The following ASCC3 variants were observed in gnomAD, a reference collection of about 807,000 sequenced individuals.
The protein encoded by ASCC3 is activating signal cointegrator 1 complex subunit 3, also known as ASC-1 complex subunit P200.
A neutral mutation model predicts 256.3 loss-of-function variants in ASCC3; 158 were observed. The ratio of observed to expected loss-of-function variants is 0.62; its 90% CI spans 0.54 to 0.70. The LOEUF is 0.70. Ranked by LOEUF, ASCC3 falls within the 30% of genes least tolerant of loss-of-function variation. The probability of loss-of-function intolerance (pLI) is 0.00; values close to 1 mark genes in which losing one functional copy is unlikely to be tolerated. For synonymous variants in ASCC3, 948 were observed against 883.4 expected (o/e 1.07, Z -1.30); for missense variants, 2,259 against 2,626.0 (o/e 0.86, Z 3.05).
At chr6:100,724,160 C>CA (rs1191119746) in intron 11 of ASCC3, among the ~76,000 whole-genome samples, 154 of 121,042 alleles carry the variant, frequency 1.3e-3, no homozygotes, top group Non-Finnish European at 2.1e-3. Context: ...AAAAAAAAAA[C>CA]AAAAAAAAAC....
At chr6:100,832,046 T>C (rs1309742482) in intron 4 of ASCC3, among the ~76,000 whole-genome samples, 1 of 152,068 alleles carries the variant, frequency 6.6e-6, no homozygotes, top group East Asian at 1.9e-4. Context: ...TTTTAAAGTA[T>C]TGAAGAGATG....
intron 10 of ASCC3, among the ~76,000 whole-genome samples, chr6:100,742,566 G>C (rs1389076530): frequency 6.6e-6 from 1 of 152,212 alleles, no homozygotes; most frequent in Non-Finnish European, 1.5e-5. Flanking sequence ...ACACTGGCTG[G>C]AGTGGCTGAA....
intron 3 of ASCC3, among the ~76,000 whole-genome samples, chr6:100,859,593 T>C (rs1466979609): frequency 2.6e-5 from 4 of 152,038 alleles, no homozygotes; most frequent in Non-Finnish European, 5.9e-5. Context: ...ACCCTAGATT[T>C]TGATTCCTCA....
intron 24 of ASCC3, among the ~76,000 whole-genome samples, chr6:100,642,064 A>G (rs1775149807): frequency 6.6e-6 from 1 of 151,978 alleles, no homozygotes; most frequent in Non-Finnish European, 1.5e-5. Flanking sequence ...CCTAATGTTA[A>G]ATGACGAGTT....
At chr6:100,772,271 G>A (rs1489530107) in intron 8 of ASCC3, among the ~76,000 whole-genome samples, 9 of 152,102 alleles carry the variant, frequency 5.9e-5, no homozygotes, top group African/African-American at 2.2e-4. Context: ...GTTTTTAAAA[G>A]TTAAACAACA....
chr6:100,845,409 G>A (rs1380485758), intron 4 of ASCC3, among the ~76,000 whole-genome samples: 3 of 152,152 alleles, frequency 2.0e-5, no homozygotes, highest in South Asian at 2.1e-4. Flanking sequence ...AGTAATAAAT[G>A]AAATTTTGTT....
chr6:100,822,221 A>T (rs1771081307), intron 4 of ASCC3, among the ~76,000 whole-genome samples: 1 of 152,144 alleles, frequency 6.6e-6, no homozygotes, highest in Admixed American at 6.6e-5. Flanking sequence ...AACCAAAATG[A>T]CTTACAATAG....
intron 36 of ASCC3, among the ~76,000 whole-genome samples, chr6:100,572,121 T>C (rs1770622258): frequency 6.6e-6 from 1 of 152,062 alleles, no homozygotes; most frequent in African/African-American, 2.4e-5. Flanking sequence ...TCCCCCCCCA[T>C]TAATATGTTA....
In ASCC3 at chr6:100,521,157, G is replaced by A. The variant is rs1354506274; in HGVS notation, c.5776-3015C>T. On this transcript the variant is annotated intron_variant, in intron 37 of 41. Coordinates refer to ENST00000369162, the MANE Select transcript of ASCC3 (RefSeq NM_006828.4). ...ACAGGAGAAAAAAACAAGTTTTAAT[G>A]TCAGATAAACATAAAGTAATCCCCC... 2.0e-5 allele frequency among the ~76,000 whole-genome samples: 3 copies of A among 152,208 alleles called. No homozygotes were observed. The East Asian group carries it at 5.8e-4, about 29-fold the overall frequency.
intron 4 of ASCC3, 53 bp from the exon 5 acceptor site, chr6:100,805,933 T>C: frequency 6.4e-7 from 1 of 1,561,536 alleles, no homozygotes; most frequent in Non-Finnish European, 8.8e-7. Flanking sequence ...AGTTTAACTT[T>C]TTCAAGTTAT....
intron 10 of ASCC3, among the ~76,000 whole-genome samples, chr6:100,742,599 C>T (rs1780489809): frequency 6.6e-6 from 1 of 152,148 alleles, no homozygotes; most frequent in Non-Finnish European, 1.5e-5. Flanking sequence ...AGGTACTGCC[C>T]AGTGAGGGCA....
chr6:100,611,553 C>T (rs188053463), intron 30 of ASCC3, among the ~76,000 whole-genome samples: 39 of 152,022 alleles, frequency 2.6e-4, no homozygotes, highest in Admixed American at 6.6e-4. Flanking sequence ...GTGTTTATCA[C>T]TTTACAAAGA....
chr6:100,643,699 C>T (rs1269604586), intron 23 of ASCC3, among the ~76,000 whole-genome samples: 3 of 152,092 alleles, frequency 2.0e-5, no homozygotes, highest in Admixed American at 2.0e-4. Flanking sequence ...TACCTATCTA[C>T]ACATATTTAA....
chr6:100,786,671 C>T (rs1206348689), intron 8 of ASCC3, among the ~76,000 whole-genome samples: 1 of 152,106 alleles, frequency 6.6e-6, no homozygotes, highest in Non-Finnish European at 1.5e-5. Context: ...CAGAATTTAA[C>T]AGAGACTCTT....
intron 33 of ASCC3, among the ~76,000 whole-genome samples, chr6:100,604,143 G>C (rs1477677991): frequency 6.6e-6 from 1 of 151,982 alleles, no homozygotes; most frequent in Non-Finnish European, 1.5e-5. Context: ...CTATCTTTTT[G>C]TGTCAGTTTT....
intron 10 of ASCC3, among the ~76,000 whole-genome samples, chr6:100,762,412 A>G (rs954021273): frequency 2.0e-5 from 3 of 152,236 alleles, no homozygotes; most frequent in South Asian, 2.1e-4. Flanking sequence ...TACAGTGAAC[A>G]TTGTAAAATA....
rs1772488557 is a variant in ASCC3, at chr6:100,848,362, T to C, written c.587A>G (p.Tyr196Cys). The C allele has an allele frequency of 6.2e-7, 1 of 1,613,972 alleles. No homozygotes were observed. Among genetic ancestry groups the C allele is most frequent in the African/African-American group, 1.3e-5 (1 of 74,934 alleles). Residue 196 changes from tyrosine to cysteine, a missense_variant, in exon 4 of 42, where the codon TAT becomes TGT. By Grantham distance (194) the Tyr-to-Cys change is radical. This residue lies in a region of ASCC3 where 420 missense variants were observed against 419.3 expected (regional missense o/e 1.00). Transcript: ENST00000369162. ...GAGATGTTCATTCAGAAACTTCTTA[T>C]AATCTAGGCTTATAGTTTTCTGAGT... ...GETQKTISLD[Y>C]KKFLNEHLQE...
At chr6:100,813,396 G>T (rs1229473383) in intron 4 of ASCC3, among the ~76,000 whole-genome samples, 3 of 152,036 alleles carry the variant, frequency 2.0e-5, no homozygotes, top group Non-Finnish European at 4.4e-5. Flanking sequence ...GGCAGAGGTT[G>T]CAGTGAGCTG....
intron 37 of ASCC3, among the ~76,000 whole-genome samples, chr6:100,521,914 T>C (rs1232819809): frequency 2.0e-5 from 3 of 152,188 alleles, no homozygotes; most frequent in Admixed American, 1.3e-4. Context: ...TAAGGACTAA[T>C]AGGTATATGC....
Sources: allele counts gnomAD v4.1 joint callset (sites outside exome capture counted in the v4.1 genomes callset), GRCh38; gene constraint gnomAD v4.1.1; regional missense constraint gnomAD v4.1.1; transcripts MANE v1.5; gene names NCBI Gene and HGNC (gene_info 2026-07-23, HGNC 2026-07-21).